Variants in DNAH7 observed in about 807,000 individuals in gnomAD.
DNAH7 encodes dynein axonemal heavy chain 7, also known as axonemal beta dynein heavy chain 7.
A neutral mutation model predicts 444.6 loss-of-function variants in DNAH7; 397 were observed. The observed-to-expected ratio is 0.89, with a 90% CI of 0.82 to 0.97. The LOEUF is 0.97. Among genes scored for constraint, DNAH7 ranks in the 50% least tolerant of loss-of-function variants. The pLI, the probability that DNAH7 is intolerant of heterozygous loss-of-function variation, is 0.00. For synonymous variants in DNAH7, 1,636 were observed against 1,624.4 expected (o/e 1.01, Z -0.17); for missense variants, 4,902 against 4,800.8 (o/e 1.02, Z -0.62).
At chr2:196,036,030 T>TC (rs1696363474) in intron 5 of DNAH7, among the ~76,000 whole-genome samples, 2 of 143,826 alleles carry the variant, frequency 1.4e-5, no homozygotes, top group South Asian at 4.3e-4. Context: ...CCACATTCTT[T>TC]TTTTTTTTTT....
At position 195,957,276 on chromosome 2, in the gene DNAH7, CATT is replaced by C. The variant is rs745841982; in HGVS notation, c.3060_3062del (p.Ile1020del). ...TTTCACCTACCTGCATGACACTTCT[CATT>C]ATATCTCTCCATGTCTTATCCACAG... On this transcript the variant is annotated inframe_deletion, in exon 19 of 65. Coordinates refer to ENST00000312428, the MANE Select transcript of DNAH7 (RefSeq NM_018897.3). 2 of 1,559,130 alleles carry C rather than the reference CATT, an allele frequency of 1.3e-6. No homozygotes were observed. The highest frequency in any genetic ancestry group is 2.7e-5 in the African/African-American group (2 of 73,676).
intron 60 of DNAH7, among the ~76,000 whole-genome samples, chr2:195,774,023 A>C (rs1382741144): frequency 6.6e-6 from 1 of 152,246 alleles, no homozygotes; most frequent in Admixed American, 6.5e-5. Context: ...CTGCTCACCC[A>C]TAACTATAAT....
intron 22 of DNAH7, 73 bp downstream of exon 22, chr2:195,926,353 A>G: frequency 1.6e-6 from 2 of 1,247,056 alleles, no homozygotes; most frequent in Non-Finnish European, 2.1e-6. Flanking sequence ...TTTAGTTTTT[A>G]AAATAAGTGT....
chr2:196,055,852 G>T (rs1382490254), intron 2 of DNAH7, among the ~76,000 whole-genome samples: 1 of 152,136 alleles, frequency 6.6e-6, no homozygotes, highest in Non-Finnish European at 1.5e-5. Context: ...CCACCACCCT[G>T]ACTTTTTAAG....
At chr2:195,995,579 AG>A in intron 12 of DNAH7, 1 of 301,272 alleles carries the variant, frequency 3.3e-6, no homozygotes, top group East Asian at 9.6e-5. Context: ...CTGGCTCAGC[AG>A]GGGAAGATGG....
chr2:195,996,403 G>A (rs1693698746), intron 12 of DNAH7, among the ~76,000 whole-genome samples: 1 of 151,478 alleles, frequency 6.6e-6, no homozygotes, highest in South Asian at 2.1e-4. Flanking sequence ...ATGCCCACAT[G>A]GTTTATTACC....
intron 54 of DNAH7, among the ~76,000 whole-genome samples, chr2:195,805,298 G>C (rs1027895666): frequency 7.9e-5 from 12 of 151,988 alleles, no homozygotes; most frequent in African/African-American, 2.9e-4. Flanking sequence ...GGTACATCCA[G>C]AGCCATTATA....
At chr2:195,884,498 A>C (rs1701593531) in intron 35 of DNAH7, 87 bp downstream of exon 35, 2 of 896,780 alleles carry the variant, frequency 2.2e-6, no homozygotes, top group African/African-American at 1.6e-5. Flanking sequence ...GTGATGATGA[A>C]GGTGGCCACA....
At chr2:196,062,405 T>C (rs983169173) in intron 1 of DNAH7, among the ~76,000 whole-genome samples, 1 of 152,228 alleles carries the variant, frequency 6.6e-6, no homozygotes, top group Non-Finnish European at 1.5e-5. Context: ...AGTAGGTATG[T>C]ATTACTGAGG....
In DNAH7 at chr2:195,829,477, T is replaced by A. The variant is rs1025425863; in HGVS notation, c.9100+4729A>T. 9.2e-5 allele frequency among the ~76,000 whole-genome samples: 14 copies of A among 152,192 alleles called. 1 individual carries two copies. The Middle Eastern group carries it at 0.021, about 226-fold the overall frequency. ...TAAACAATAACAGTCATAACAGATATCAATTTCTCATTTTCACTTTTACAT... is the reference window on the plus strand; with the variant it reads ...TAAACAATAACAGTCATAACAGATAACAATTTCTCATTTTCACTTTTACAT... On this transcript the variant is annotated intron_variant, in intron 48 of 64. Transcript: ENST00000312428.
chr2:195,885,745 T>G (rs1701669608), intron 34 of DNAH7, among the ~76,000 whole-genome samples: 1 of 152,136 alleles, frequency 6.6e-6, no homozygotes, highest in South Asian at 2.1e-4. Flanking sequence ...TACAAATAAT[T>G]TATATCTCAT....
intron 63 of DNAH7, among the ~76,000 whole-genome samples, chr2:195,744,389 G>A (rs984513396): frequency 6.6e-6 from 1 of 152,198 alleles, no homozygotes; most frequent in Non-Finnish European, 1.5e-5. Flanking sequence ...GCCCACCACA[G>A]CTCAAGGAGG....
chr2:195,767,931 A>G (rs947923590), intron 61 of DNAH7, among the ~76,000 whole-genome samples: 11 of 151,816 alleles, frequency 7.2e-5, no homozygotes, highest in Non-Finnish European at 1.5e-4. Flanking sequence ...GTCAGAATAG[A>G]TTTTGCTAGA....
At chr2:195,877,402 C>T (rs577668632) in intron 36 of DNAH7, among the ~76,000 whole-genome samples, 2 of 152,148 alleles carry the variant, frequency 1.3e-5, no homozygotes, top group Admixed American at 6.5e-5. Flanking sequence ...GGAAGGGAAA[C>T]GGTAAAGTTT....
intron 9 of DNAH7, 35 bp downstream of exon 9, chr2:196,019,135 A>C (rs768496278): frequency 2.5e-5 from 35 of 1,391,016 alleles, no homozygotes; most frequent in Non-Finnish European, 3.3e-5. Flanking sequence ...TTCCCTCTAT[A>C]TTTTAAAAAC....
chr2:195,926,284 T>G (rs2125369283), intron 22 of DNAH7, 142 bp downstream of exon 22: 1 of 742,572 alleles, frequency 1.3e-6, no homozygotes, highest in East Asian at 3.4e-5. Context: ...AATTTTTATT[T>G]AAAAAATCTG....
chr2:195,755,127 CAGA>C (rs1252470984), intron 62 of DNAH7, among the ~76,000 whole-genome samples: 2 of 152,190 alleles, frequency 1.3e-5, no homozygotes, highest in Admixed American at 6.5e-5. Flanking sequence ...CATAGTTGAA[CAGA>C]AGAAGAGATC....
chr2:196,046,439 A>T (rs139027505), intron 5 of DNAH7, among the ~76,000 whole-genome samples: 2 of 152,294 alleles, frequency 1.3e-5, no homozygotes, highest in East Asian at 3.9e-4. Context: ...GAAAAAAAAA[A>T]ATTCTTCTAA....
chr2:195,889,556 T>C (rs1017574923), intron 31 of DNAH7, among the ~76,000 whole-genome samples: 5 of 152,132 alleles, frequency 3.3e-5, no homozygotes, highest in African/African-American at 1.2e-4. Flanking sequence ...GAGCTCAAGA[T>C]CCACCTGCCT....
Sources: gnomAD v4.1 joint callset for allele counts (sites outside exome capture counted in the v4.1 genomes callset) on GRCh38, gnomAD v4.1.1 for gene constraint, MANE v1.5 for transcripts, NCBI Gene and HGNC (gene_info 2026-07-23, HGNC 2026-07-21) for gene names.